Variants in NFAT5 observed in about 807,000 individuals in gnomAD.
NFAT5 encodes the protein nuclear factor of activated T-cells 5.
Under a neutral mutation model 166.5 loss-of-function variants are expected in NFAT5, and 31 were observed. The observed-to-expected ratio is 0.19, with a 90% CI of 0.14 to 0.25. The LOEUF is 0.25. Among genes scored for constraint, NFAT5 ranks in the 10% least tolerant of loss-of-function variants. NFAT5 has a pLI of 1.00. For missense variants in NFAT5, 1,449 were observed against 1,821.8 expected (o/e 0.80, Z 3.72); for synonymous variants, 612 against 639.7 (o/e 0.96, Z 0.65).
intron 2 of NFAT5, among the ~76,000 whole-genome samples, chr16:69,572,595 GA>G (rs1374840807): frequency 6.6e-6 from 1 of 151,410 alleles, no homozygotes; most frequent in Admixed American, 6.6e-5. Flanking sequence ...TTTGGCAAAT[GA>G]AAAACTAAGA....
intron 2 of NFAT5, among the ~76,000 whole-genome samples, chr16:69,599,547 G>A (rs1184791945): frequency 6.6e-6 from 1 of 152,172 alleles, no homozygotes; most frequent in Non-Finnish European, 1.5e-5. Flanking sequence ...CTCCAGCCTG[G>A]GTGACAGAGC....
At chr16:69,685,770 G>A (rs936840864) in intron 11 of NFAT5, 1 of 152,396 alleles carries the variant, frequency 6.6e-6, no homozygotes, top group Non-Finnish European at 1.5e-5. Flanking sequence ...AACAGGCCAG[G>A]CGCAGTGGCT....
At chr16:69,584,359 G>T (rs1567518181) in intron 2 of NFAT5, among the ~76,000 whole-genome samples, 1 of 150,516 alleles carries the variant, frequency 6.6e-6, no homozygotes, top group South Asian at 2.1e-4. Flanking sequence ...CTGTCATCTG[G>T]ACTGCAATGC....
At position 69,694,058 on chromosome 16, in the gene NFAT5, G is replaced by GCAA. The variant is rs745649052; in HGVS notation, c.4236_4238dup (p.Gln1413dup). The GCAA allele has an allele frequency of 6.2e-7, 1 of 1,614,134 alleles. No homozygotes were observed. The highest frequency in any genetic ancestry group is 8.5e-7 in the Non-Finnish European group (1 of 1,180,030). On this transcript the variant is annotated inframe_insertion, in exon 13 of 15. Transcript: ENST00000349945. The stretch of plus-strand genomic sequence containing the variant: ...AGACCAGTATAAATCAACAAGATAT[G>GCAA]CAACAGTCTCCTCTTTATTCCCCTC...
chr16:69,648,246 A>T, intron 4 of NFAT5: 47 of 984,782 alleles, frequency 4.8e-5, no homozygotes, highest in Non-Finnish European at 5.4e-5. Flanking sequence ...AAAACAACTC[A>T]AACAGTCACT....
At chr16:69,664,082 T>G (rs1049392599) in intron 7 of NFAT5, among the ~76,000 whole-genome samples, 1 of 152,146 alleles carries the variant, frequency 6.6e-6, no homozygotes, top group African/African-American at 2.4e-5. Context: ...GAAAGGATGG[T>G]ATTGTTAAGC....
rs115572850 is a variant in NFAT5 at position 69,633,447 on chromosome 16, A to G, written c.253+6919A>G. On this transcript the variant is annotated intron_variant, in intron 3 of 14. Coordinates refer to ENST00000349945, the MANE Select transcript of NFAT5 (RefSeq NM_138713.4). ...AAAAGTGTTTATAACTAATTGTTTT[A>G]TAAGAAAGGAACTTCACCTGTTTCT... 8.7e-3 allele frequency among the ~76,000 whole-genome samples: 1,331 copies of G among 152,352 alleles called. 19 individuals are homozygous for G. Among genetic ancestry groups the G allele is most frequent in the African/African-American group, 0.031 (1,275 of 41,594 alleles).
At chr16:69,567,868 A>C (rs2016163471) in intron 1 of NFAT5, among the ~76,000 whole-genome samples, 1 of 152,240 alleles carries the variant, frequency 6.6e-6, no homozygotes, top group African/African-American at 2.4e-5. Flanking sequence ...TAGCCAAGAC[A>C]TTAACACCAT....
At chr16:69,620,794 C>T (rs2034162796) in intron 2 of NFAT5, among the ~76,000 whole-genome samples, 1 of 152,180 alleles carries the variant, frequency 6.6e-6, no homozygotes, top group Admixed American at 6.5e-5. Context: ...TAAGTTTCAT[C>T]TCCTTCCTTT....
In NFAT5 at chr16:69,695,268, A is replaced by G. The variant is rs1016909794; in HGVS notation, c.4547A>G (p.Asn1516Ser). The G allele has an allele frequency of 6.2e-7, 1 of 1,614,202 alleles. No homozygotes were observed. Among genetic ancestry groups the G allele is most frequent in the Admixed American group, 1.7e-5 (1 of 60,020 alleles). Residue 1516 changes from asparagine (N) to serine (S), a missense_variant, in exon 14 of 15, where the codon AAT (asparagine) becomes AGT (serine). Physicochemically the swap from Asn to Ser is conservative, Grantham distance 46. This residue lies in a region of NFAT5 where 891 missense variants were observed against 993.0 expected (regional missense o/e 0.90). Transcript: ENST00000349945. Reference protein sequence around the residue: ...TTLLSQQMPENSPLASSINTN... With the variant: ...TTLLSQQMPESSPLASSINTN... ...CTTCTTTCTCAGCAAATGCCAGAGAATTCTCCACTGGCATCCTCTATAAAC... is the reference window on the plus strand; with the variant it reads ...CTTCTTTCTCAGCAAATGCCAGAGAGTTCTCCACTGGCATCCTCTATAAAC...
chr16:69,669,889 C>T, intron 7 of NFAT5, 88 bp from the exon 8 acceptor site: 1 of 1,171,668 alleles, frequency 8.5e-7, no homozygotes, highest in Non-Finnish European at 1.2e-6. Context: ...ATAAAGACAA[C>T]TCATAGAACC....
chr16:69,671,355 TG>T (rs1168920737), intron 9 of NFAT5, among the ~76,000 whole-genome samples: 1 of 152,152 alleles, frequency 6.6e-6, no homozygotes, highest in Non-Finnish European at 1.5e-5. Flanking sequence ...GTAGTTTTTT[TG>T]TTTGTTTGTT....
chr16:69,644,055 G>A (rs996288249), intron 3 of NFAT5, among the ~76,000 whole-genome samples: 2 of 152,196 alleles, frequency 1.3e-5, no homozygotes, highest in African/African-American at 4.8e-5. Flanking sequence ...GGAGGCCAAA[G>A]CTGGAGGATT....
Position 69,700,640 on chromosome 16 carries a change from T to C in NFAT5, c.*4289T>C, listed in dbSNP as rs2037881732. 6.6e-6 allele frequency: 1 copy of C among 152,202 alleles called. No individual in the cohort carries two copies. Among genetic ancestry groups the C allele is most frequent in the African/African-American group, 2.4e-5 (1 of 41,452 alleles). 9.4% of individuals were successfully genotyped at this position (152,202 alleles called of 1,614,324 possible). A position where few individuals can be genotyped will look rare whatever the true frequency, so the allele number is the denominator to read the frequency against. ...TAATAGATTTTTTAAATTAATTAGCTTTCCTCTGCTTTATGACCACAGGTT... is the reference window on the plus strand; with the variant it reads ...TAATAGATTTTTTAAATTAATTAGCCTTCCTCTGCTTTATGACCACAGGTT... On this transcript the variant is annotated 3_prime_UTR_variant, in exon 15 of 15. Coordinates refer to ENST00000349945, the MANE Select transcript of NFAT5 (RefSeq NM_138713.4).
At chr16:69,574,576 ATATT>A (rs2016630892) in intron 2 of NFAT5, among the ~76,000 whole-genome samples, 1 of 152,172 alleles carries the variant, frequency 6.6e-6, no homozygotes, top group Non-Finnish European at 1.5e-5. Context: ...AAGGATATAT[ATATT>A]TAATCATTTG....
In NFAT5 at chr16:69,670,120, G is replaced by T. The variant is rs768096607; in HGVS notation, c.1504+9G>T. ...CCAAGAAAATGTTTCTGGTAAGTAC[G>T]CATATTTGTGGTACAGATATTTGTA... On this transcript the variant is annotated intron_variant, in intron 8 of 14. Coordinates refer to ENST00000349945, the MANE Select transcript of NFAT5 (RefSeq NM_138713.4). 2 of 1,608,578 alleles carry T rather than the reference G, an allele frequency of 1.2e-6. No homozygotes were observed. Among genetic ancestry groups the T allele is most frequent in the Non-Finnish European group, 1.7e-6 (2 of 1,178,152 alleles).
In NFAT5 at chr16:69,694,150, A is replaced by G; in HGVS notation, c.4325A>G (p.Asn1442Ser). Reference sequence around the variant, plus strand: ...CAACCACAGGCTACTTTATTTCACAACACAGCAGGAGGCACAATGAACCAA... The same window carrying G: ...CAACCACAGGCTACTTTATTTCACAGCACAGCAGGAGGCACAATGAACCAA... ...SPQPQATLFHNTAGGTMNQLQ... is the reference protein window; with the variant it reads ...SPQPQATLFHSTAGGTMNQLQ... Residue 1442 changes from asparagine (N) to serine (S), a missense_variant, in exon 13 of 15, where the codon AAC (asparagine) becomes AGC (serine). Asn to Ser is a conservative substitution (Grantham distance 46). Transcript: ENST00000349945. 6.2e-7 allele frequency: 1 copy of G among 1,614,220 alleles called. No homozygotes were observed. The highest frequency in any genetic ancestry group is 1.1e-5 in the South Asian group (1 of 91,080).
chr16:69,582,367 G>T (rs1285988718), intron 2 of NFAT5, among the ~76,000 whole-genome samples: 1 of 151,842 alleles, frequency 6.6e-6, no homozygotes, highest in Non-Finnish European at 1.5e-5. Context: ...TTTTAATTTT[G>T]GTAAAAGCCA....
intron 11 of NFAT5, among the ~76,000 whole-genome samples, chr16:69,688,968 T>C (rs1289974329): frequency 6.6e-6 from 1 of 152,214 alleles, no homozygotes; most frequent in Middle Eastern, 3.2e-3. Context: ...TCTGAAGTTT[T>C]GTCTCAGTCA....
Sources: allele counts gnomAD v4.1 joint callset (sites outside exome capture counted in the v4.1 genomes callset), GRCh38; gene constraint gnomAD v4.1.1; regional missense constraint gnomAD v4.1.1; transcripts MANE v1.5; gene names NCBI Gene and HGNC (gene_info 2026-07-23, HGNC 2026-07-21).